ULK4: variants seen among roughly 807,000 people sequenced by gnomAD.
ULK4 encodes unc-51 like kinase 4.
ULK4 carries 133 observed loss-of-function variants against 160.6 expected under a neutral mutation model. The observed-to-expected ratio is 0.83, with a 90% CI of 0.72 to 0.96. The LOEUF is 0.96. Among genes scored for constraint, ULK4 ranks in the 40% least tolerant of loss-of-function variants. ULK4 has a pLI of 0.00. For missense variants in ULK4, 1,580 were observed against 1,499.5 expected (o/e 1.05, Z -0.89); for synonymous variants, 534 against 539.8 (o/e 0.99, Z 0.15).
intron 19 of ULK4, among the ~76,000 whole-genome samples, chr3:41,809,437 C>A (rs1292905010): frequency 6.6e-6 from 1 of 152,076 alleles, no homozygotes; most frequent in African/African-American, 2.4e-5. Flanking sequence ...AAATGTGAAA[C>A]AACAAATGTC....
chr3:41,387,683 T>C (rs2081850738), intron 35 of ULK4, among the ~76,000 whole-genome samples: 1 of 152,200 alleles, frequency 6.6e-6, no homozygotes, highest in African/African-American at 2.4e-5. Flanking sequence ...TTCATCCATG[T>C]CCCTACAAAG....
At position 41,558,134 on chromosome 3, in the gene ULK4, C is replaced by T. The variant is rs888808034; in HGVS notation, c.3226+7891G>A. Among the ~76,000 whole-genome samples the T allele has an allele frequency of 2.6e-5, 4 of 152,148 alleles. No individual in the cohort carries two copies. In the East Asian group the frequency reaches 7.7e-4, roughly 29 times the overall value. ...GGAATTTCTCCTATACATATTCCTG[C>T]TCCTGTGTGAAAGGATACATGTATA... On this transcript the variant is annotated intron_variant, in intron 32 of 36. Coordinates refer to ENST00000301831, the MANE Select transcript of ULK4 (RefSeq NM_017886.4).
intron 35 of ULK4, among the ~76,000 whole-genome samples, chr3:41,253,149 A>G (rs574234421): frequency 6.6e-6 from 1 of 152,232 alleles, no homozygotes; most frequent in African/African-American, 2.4e-5. Context: ...GCTATAAAAA[A>G]TTTACTAAAG....
chr3:41,482,300 G>A (rs2084356390), intron 32 of ULK4, among the ~76,000 whole-genome samples: 1 of 152,176 alleles, frequency 6.6e-6, no homozygotes, highest in South Asian at 2.1e-4. Context: ...GTCTAGGAAG[G>A]AGAAAATGGC....
At chr3:41,265,669 A>G (rs1425951931) in intron 35 of ULK4, among the ~76,000 whole-genome samples, 2 of 152,176 alleles carry the variant, frequency 1.3e-5, no homozygotes, top group Non-Finnish European at 2.9e-5. Flanking sequence ...TCCATTTGGA[A>G]ACATTTTATA....
intron 34 of ULK4, among the ~76,000 whole-genome samples, chr3:41,399,944 TTTTAC>T (rs2082144569): frequency 6.6e-6 from 1 of 152,170 alleles, no homozygotes; most frequent in Non-Finnish European, 1.5e-5. Flanking sequence ...AGCTTTAGCT[TTTTAC>T]TTTGAGGTCT....
chr3:41,926,503 C>T (rs1225794288), intron 5 of ULK4, among the ~76,000 whole-genome samples: 2 of 152,084 alleles, frequency 1.3e-5, no homozygotes, highest in Non-Finnish European at 2.9e-5. Context: ...ACGAGTTTGC[C>T]AAATTGACAG....
At chr3:41,643,983 G>T (rs2034362081) in intron 30 of ULK4, among the ~76,000 whole-genome samples, 1 of 151,930 alleles carries the variant, frequency 6.6e-6, no homozygotes, top group Admixed American at 6.6e-5. Context: ...TCATGATTTG[G>T]CTCTCTGTTT....
At chr3:41,449,067 G>A (rs557420331) in intron 34 of ULK4, among the ~76,000 whole-genome samples, 4 of 151,956 alleles carry the variant, frequency 2.6e-5, no homozygotes, top group East Asian at 1.9e-4. Flanking sequence ...ACAGGCATGC[G>A]CCACCATGCC....
At chr3:41,957,358 G>A (rs548224448) in intron 1 of ULK4, among the ~76,000 whole-genome samples, 35 of 149,322 alleles carry the variant, frequency 2.3e-4, no homozygotes, top group African/African-American at 8.3e-4. Flanking sequence ...GGAGGCTGAA[G>A]GTAGGAGAAT....
chr3:41,799,937 TCA>T (rs1043096356), intron 20 of ULK4, among the ~76,000 whole-genome samples, 193 bp downstream of exon 20: 20 of 152,174 alleles, frequency 1.3e-4, no homozygotes, highest in African/African-American at 4.3e-4. Flanking sequence ...TGAAATTCTC[TCA>T]CAGTCTCAAG....
chr3:41,884,327 T>G (rs1235161648), intron 16 of ULK4, among the ~76,000 whole-genome samples: 4 of 152,242 alleles, frequency 2.6e-5, no homozygotes, highest in African/African-American at 9.6e-5. Flanking sequence ...TTCTACTTGT[T>G]AGTAGATCAA....
intron 3 of ULK4, chr3:41,937,380 C>A: frequency 1.5e-6 from 1 of 675,030 alleles, no homozygotes; most frequent in Non-Finnish European, 2.7e-6. Flanking sequence ...AGTTATTAAT[C>A]CAAATTACTT....
intron 35 of ULK4, among the ~76,000 whole-genome samples, chr3:41,370,208 A>T (rs1404399573): frequency 1.3e-5 from 2 of 152,204 alleles, no homozygotes; most frequent in African/African-American, 2.4e-5. Context: ...TAAAAAAAAA[A>T]GCAAGTGGCA....
At chr3:41,858,139 T>TTTTG (rs1319982554) in intron 17 of ULK4, among the ~76,000 whole-genome samples, 15 of 94,850 alleles carry the variant, frequency 1.6e-4, no homozygotes, top group East Asian at 2.1e-4. Context: ...ATAGGGTTTT[T>TTTTG]TTTGTTTGTT....
chr3:41,908,034 GGT>G, intron 11 of ULK4, 93 bp from the exon 12 acceptor site: 1 of 813,764 alleles, frequency 1.2e-6, no homozygotes, highest in Non-Finnish European at 1.8e-6. Flanking sequence ...CATGAAAAAT[GGT>G]AGAGTATGAT....
chr3:41,581,954 T>C (rs957192193), intron 31 of ULK4, among the ~76,000 whole-genome samples: 5 of 152,164 alleles, frequency 3.3e-5, no homozygotes, highest in Admixed American at 3.3e-4. Context: ...AAAGGCACAC[T>C]GAGGCTTATT....
chr3:41,276,688 T>A (rs920102698), intron 35 of ULK4, among the ~76,000 whole-genome samples: 3 of 152,226 alleles, frequency 2.0e-5, no homozygotes, highest in Admixed American at 2.0e-4. Context: ...GTTGTAACAT[T>A]TCTCACAAAG....
At chr3:41,437,196 C>T (rs1392101385) in intron 34 of ULK4, among the ~76,000 whole-genome samples, 3 of 152,146 alleles carry the variant, frequency 2.0e-5, no homozygotes, top group Non-Finnish European at 4.4e-5. Flanking sequence ...CTATGAGAAA[C>T]TCGGAGTTGC....
Sources: gnomAD v4.1 joint callset for allele counts (sites outside exome capture counted in the v4.1 genomes callset) on GRCh38, gnomAD v4.1.1 for gene constraint, MANE v1.5 for transcripts, NCBI Gene and HGNC (gene_info 2026-07-23, HGNC 2026-07-21) for gene names.